The following TECPR2 variants were observed in gnomAD, a reference collection of about 807,000 sequenced individuals.
TECPR2 encodes tectonin beta-propeller repeat containing 2.
A neutral mutation model predicts 138.1 loss-of-function variants in TECPR2; 65 were observed. The observed-to-expected ratio is 0.47, with a 90% CI of 0.39 to 0.58. The LOEUF (loss-of-function observed/expected upper bound fraction) is 0.58, where lower values mean the gene tolerates loss of function less well. TECPR2 is among the 20% of genes least tolerant of loss of function. The pLI, the probability that TECPR2 is intolerant of heterozygous loss-of-function variation, is 0.00. For synonymous variants in TECPR2, 746 were observed against 749.8 expected (o/e 0.99, Z 0.08); for missense variants, 1,553 against 1,824.5 (o/e 0.85, Z 2.71).
rs1888940609 is a variant in TECPR2 at position 102,413,517 on chromosome 14, T to C, written c.481-1119T>C. Among the ~76,000 whole-genome samples, 3 of 151,706 alleles carry C rather than the reference T, an allele frequency of 2.0e-5. No homozygotes were observed. The South Asian group carries it at 6.2e-4, about 32-fold the overall frequency. Reference sequence around the variant, plus strand: ...CCGCAGCCTCCCAAGTAGCTGGGATTACAGGCATGTGCCACCTCGCCCAGC... The same window carrying C: ...CCGCAGCCTCCCAAGTAGCTGGGATCACAGGCATGTGCCACCTCGCCCAGC... On this transcript the variant is annotated intron_variant, in intron 4 of 19. Coordinates refer to ENST00000359520, the MANE Select transcript of TECPR2 (RefSeq NM_014844.5).
rs867364475 is a variant in TECPR2 at position 102,384,272 on chromosome 14, G to C, written c.219+7332G>C. Among the ~76,000 whole-genome samples the C allele has an allele frequency of 2.6e-5, 4 of 151,418 alleles. 1 individual carries two copies. The highest frequency in any genetic ancestry group is 6.8e-3 in the Middle Eastern group (2 of 294). ...TTAATTTTTTTAAAGAGGTTTATTTGGCCCACAATTCTGTAGCTGGAAAGT... is the reference window on the plus strand; with the variant it reads ...TTAATTTTTTTAAAGAGGTTTATTTCGCCCACAATTCTGTAGCTGGAAAGT... On this transcript the variant is annotated intron_variant, in intron 2 of 19. Coordinates refer to ENST00000359520, the MANE Select transcript of TECPR2 (RefSeq NM_014844.5).
At chr14:102,450,487 C>A in intron 14 of TECPR2, 73 bp from the exon 15 acceptor site, 1 of 1,478,394 alleles carries the variant, frequency 6.8e-7, no homozygotes, top group Non-Finnish European at 9.4e-7. Flanking sequence ...AGCTGTCGTC[C>A]AGAACTAAGA....
At position 102,434,851 on chromosome 14, in the gene TECPR2, C is replaced by T. The variant is rs1889614751; in HGVS notation, c.2034C>T (p.Ser678=). Residue 678 remains serine, a synonymous_variant, in exon 9 of 20, where the codon AGC becomes AGT. Coordinates refer to ENST00000359520, the MANE Select transcript of TECPR2 (RefSeq NM_014844.5). ...ATGAAGGCAGCCCCGTGGAGCCCAG[C>T]CAAGAGCAGGACATCCTAACCAGCA... ...RADEGSPVEP[S]QEQDILTSME... is the part of the protein sequence containing the mutation. 1.1e-5 allele frequency: 18 copies of T among 1,613,528 alleles called. No homozygotes were observed. The highest frequency in any genetic ancestry group is 1.5e-5 in the Non-Finnish European group (18 of 1,179,996).
intron 6 of TECPR2, among the ~76,000 whole-genome samples, chr14:102,426,120 A>T (rs1055646950): frequency 3.3e-5 from 5 of 150,572 alleles, no homozygotes; most frequent in Non-Finnish European, 7.4e-5. Context: ...CTCCTGACTC[A>T]GGTGATCCGC....
intron 1 of TECPR2, among the ~76,000 whole-genome samples, chr14:102,372,585 A>C (rs1887534012): frequency 6.6e-6 from 1 of 152,072 alleles, no homozygotes; most frequent in East Asian, 1.9e-4. Flanking sequence ...GCTTTTCTAT[A>C]TTAACAAATT....
chr14:102,376,468 C>G (rs574050107), intron 1 of TECPR2, among the ~76,000 whole-genome samples, 182 bp from the exon 2 acceptor site: 343 of 152,300 alleles, frequency 2.3e-3, no homozygotes, highest in African/African-American at 7.7e-3. Context: ...TCAGAACATA[C>G]TGAAGTGCAT....
intron 17 of TECPR2, among the ~76,000 whole-genome samples, chr14:102,467,939 C>A (rs1393661006): frequency 6.9e-6 from 1 of 145,132 alleles, no homozygotes; most frequent in East Asian, 2.1e-4. Context: ...TGGGTTCAAG[C>A]GATTCTCTTG....
At chr14:102,491,605 T>TGA (rs1891162289) in intron 17 of TECPR2, among the ~76,000 whole-genome samples, 3 of 151,620 alleles carry the variant, frequency 2.0e-5, no homozygotes, top group African/African-American at 7.3e-5. Context: ...CCATCAGCCC[T>TGA]AGCAGCCACT....
At chr14:102,403,510 G>A (rs1003477867) in intron 2 of TECPR2, among the ~76,000 whole-genome samples, 1 of 152,182 alleles carries the variant, frequency 6.6e-6, no homozygotes, top group African/African-American at 2.4e-5. Context: ...ACACAGTGCT[G>A]GAAATTTTAG....
chr14:102,418,135 C>A (rs983586208), intron 5 of TECPR2, among the ~76,000 whole-genome samples: 1 of 152,000 alleles, frequency 6.6e-6, no homozygotes, highest in African/African-American at 2.4e-5. Flanking sequence ...CGGTCTGGAG[C>A]CCAGGGAAGA....
intron 17 of TECPR2, among the ~76,000 whole-genome samples, chr14:102,472,603 T>C (rs1567356353): frequency 1.3e-5 from 2 of 152,224 alleles, no homozygotes; most frequent in East Asian, 3.8e-4. Flanking sequence ...ATTCTGTAGA[T>C]ACAAAATGCT....
intron 4 of TECPR2, among the ~76,000 whole-genome samples, chr14:102,413,128 A>T (rs1190908143): frequency 6.6e-6 from 1 of 152,038 alleles, no homozygotes; most frequent in Non-Finnish European, 1.5e-5. Flanking sequence ...CATGTAATGG[A>T]AATTTCTTTA....
At chr14:102,460,573 C>A (rs984426968) in intron 16 of TECPR2, among the ~76,000 whole-genome samples, 2 of 150,828 alleles carry the variant, frequency 1.3e-5, no homozygotes, top group East Asian at 3.9e-4. Context: ...GAGATCACGC[C>A]ACTACACTCC....
Position 102,432,001 on chromosome 14 carries a change from C to T in TECPR2, c.1290C>T (p.Thr430=), listed in dbSNP as rs763935932. The change falls in exon 8 of 20, where the codon ACC becomes ACT. Residue 430 remains threonine, a synonymous_variant. Coordinates refer to ENST00000359520, the MANE Select transcript of TECPR2 (RefSeq NM_014844.5). ...TCCTGCCCCCTGGGCTCCAGGCCAC[C>T]CCTGAGCTGGGCAAGGGCAGCCAGC... ...SGLLPPGLQA[T]PELGKGSQPL... 4.3e-6 allele frequency: 7 copies of T among 1,612,718 alleles called. No homozygotes were observed. Among genetic ancestry groups the T allele is most frequent in the East Asian group, 2.2e-5 (1 of 44,886 alleles).
chr14:102,376,335 G>A (rs1320345149), intron 1 of TECPR2, among the ~76,000 whole-genome samples: 1 of 152,150 alleles, frequency 6.6e-6, no homozygotes, highest in Non-Finnish European at 1.5e-5. Context: ...GTGGATTTGT[G>A]TCTTTTCACT....
At position 102,440,513 on chromosome 14, in the gene TECPR2, C is replaced by G; in HGVS notation, c.2656C>G (p.His886Asp). The change falls in exon 11 of 20, where the codon CAC becomes GAC. Residue 886 changes from histidine (H) to aspartate (D), a missense_variant. His to Asp is a moderately conservative substitution (Grantham distance 81, BLOSUM62 -1). Coordinates refer to ENST00000359520, the MANE Select transcript of TECPR2 (RefSeq NM_014844.5). ...CGKVTIKGKR[H>D]WYEALPQAVF... is the part of the protein sequence containing the mutation. The stretch of plus-strand genomic sequence containing the variant: ...GAAAGTCACCATCAAGGGGAAGCGG[C>G]ACTGGTACGAAGCCCTGCCCCAGGC... 6.2e-7 allele frequency: 1 copy of G among 1,614,224 alleles called. No homozygotes were observed. The highest frequency in any genetic ancestry group is 1.1e-5 in the South Asian group (1 of 91,086).
At chr14:102,463,029 C>T (rs1292591872) in intron 16 of TECPR2, among the ~76,000 whole-genome samples, 1 of 152,180 alleles carries the variant, frequency 6.6e-6, no homozygotes, top group African/African-American at 2.4e-5. Flanking sequence ...AGAATGGCTG[C>T]CGTGGAAAAG....
rs979426064 is a variant in TECPR2, at chr14:102,498,736, G to C, written c.*479G>C. ...GTGATGGCTTTGTCCCATCATAGGG[G>C]GGTGTCCCCCCAGAGACAAAGCTGC... On this transcript the variant is annotated 3_prime_UTR_variant, in exon 20 of 20. Coordinates refer to ENST00000359520, the MANE Select transcript of TECPR2 (RefSeq NM_014844.5). 2.2e-6 allele frequency: 1 copy of C among 453,314 alleles called. No individual in the cohort carries two copies. Among genetic ancestry groups the C allele is most frequent in the Non-Finnish European group, 4.3e-6 (1 of 230,170 alleles). 28.1% of individuals were successfully genotyped at this position (453,314 alleles called of 1,614,324 possible).
At position 102,420,661 on chromosome 14, in the gene TECPR2, G is replaced by A. The variant is rs1021793281; in HGVS notation, c.639-4318G>A. 2.6e-5 allele frequency among the ~76,000 whole-genome samples: 4 copies of A among 152,058 alleles called. No individual in the cohort carries two copies. The highest frequency in any genetic ancestry group is 4.1e-4 in the South Asian group (2 of 4,828). ...CTAAATTTTTTAATTTGTAGAGATG[G>A]TGTCTCTCTAGGTCACCCAGGCTGT... On this transcript the variant is annotated intron_variant, in intron 5 of 19. Coordinates refer to ENST00000359520, the MANE Select transcript of TECPR2 (RefSeq NM_014844.5). This position sits in a 1 kb window ranked among gnomAD's most constrained non-coding sequence, Gnocchi z 4.1.
Sources: allele counts gnomAD v4.1 joint callset (sites outside exome capture counted in the v4.1 genomes callset), GRCh38; gene constraint gnomAD v4.1.1; non-coding constraint Gnocchi (gnomAD v3.1); transcripts MANE v1.5; gene names NCBI Gene and HGNC (gene_info 2026-07-23, HGNC 2026-07-21).